Variants in SLC12A8 observed in about 807,000 individuals in gnomAD.
SLC12A8 encodes the protein cation-chloride cotransporter 9.
Under a neutral mutation model 75.6 loss-of-function variants are expected in SLC12A8, and 69 were observed. The ratio of observed to expected loss-of-function variants is 0.91; its 90% CI spans 0.75 to 1.11. SLC12A8 has a LOEUF of 1.11. Among genes scored for constraint, SLC12A8 ranks in the 50% most tolerant of loss-of-function variants. The pLI, the probability that SLC12A8 is intolerant of heterozygous loss-of-function variation, is 0.00. For synonymous variants in SLC12A8, 365 were observed against 372.8 expected, an observed-to-expected ratio of 0.98 and a Z score of 0.24; for missense variants, 877 against 896.7, an observed-to-expected ratio of 0.98 and a Z score of 0.28.
At chr3:125,101,831 T>C (rs1938884957) in intron 10 of SLC12A8, among the ~76,000 whole-genome samples, 1 of 152,246 alleles carries the variant, frequency 6.6e-6, no homozygotes, top group Non-Finnish European at 1.5e-5. Flanking sequence ...ATTTGATCAA[T>C]GCTTCAATGT....
At chr3:125,147,011 C>A (rs141601137) in intron 5 of SLC12A8, among the ~76,000 whole-genome samples, 2 of 152,112 alleles carry the variant, frequency 1.3e-5, no homozygotes, top group Admixed American at 6.5e-5. Flanking sequence ...GGGAGTTTGC[C>A]GACGTCTGGA....
At chr3:125,142,138 G>A (rs926991988) in intron 5 of SLC12A8, among the ~76,000 whole-genome samples, 1 of 152,208 alleles carries the variant, frequency 6.6e-6, no homozygotes, top group African/African-American at 2.4e-5. Context: ...ACGGGGATCT[G>A]CAGCCAATCC....
intron 2 of SLC12A8, among the ~76,000 whole-genome samples, chr3:125,198,273 A>T (rs749165694): frequency 6.6e-6 from 1 of 151,454 alleles, no homozygotes; most frequent in Non-Finnish European, 1.5e-5. Context: ...AAAAAAACAA[A>T]ACAGTCAAGG....
chr3:125,087,455 A>G (rs1938489503), intron 13 of SLC12A8, among the ~76,000 whole-genome samples: 1 of 152,228 alleles, frequency 6.6e-6, no homozygotes, highest in Non-Finnish European at 1.5e-5. Flanking sequence ...TCTGGGATCA[A>G]TGGGAAAGGA....
At chr3:125,174,359 G>A (rs1934475706) in intron 5 of SLC12A8, among the ~76,000 whole-genome samples, 1 of 152,174 alleles carries the variant, frequency 6.6e-6, no homozygotes, top group Non-Finnish European at 1.5e-5. Context: ...AGGATGTGGA[G>A]CAACAGGAAC....
intron 5 of SLC12A8, among the ~76,000 whole-genome samples, chr3:125,136,386 A>G (rs1933496701): frequency 6.6e-6 from 1 of 152,056 alleles, no homozygotes; most frequent in Non-Finnish European, 1.5e-5. Context: ...TAGTGGGCCA[A>G]CTCTTCAAGC....
intron 5 of SLC12A8, among the ~76,000 whole-genome samples, chr3:125,149,767 A>G (rs752775770): frequency 3.3e-5 from 5 of 152,054 alleles, no homozygotes; most frequent in African/African-American, 1.2e-4. Flanking sequence ...AAAAAGAGAG[A>G]CAAAAGGATT....
Position 125,118,817 on chromosome 3 carries a change from G to A in SLC12A8, c.864C>T (p.Ala288=). Residue 288 remains alanine, a synonymous_variant, in exon 8 of 14, where the codon GCC becomes GCT. Coordinates refer to ENST00000469902, the MANE Select transcript of SLC12A8 (RefSeq NM_024628.6). The part of the protein sequence containing the change: ...LYIIFVFLLG[A]ICTREALRYD... ...AGCGAAGGGCCTCTCGAGTGCAGAT[G>A]GCGCCCAGGAGGAAGACGAAGATGA... The A allele has an allele frequency of 5.6e-6, 9 of 1,613,842 alleles. No homozygotes were observed. The highest frequency in any genetic ancestry group is 7.6e-6 in the Non-Finnish European group (9 of 1,179,884).
At chr3:125,116,494 TC>T (rs1939315290) in intron 8 of SLC12A8, among the ~76,000 whole-genome samples, 1 of 152,102 alleles carries the variant, frequency 6.6e-6, no homozygotes, top group Non-Finnish European at 1.5e-5. Flanking sequence ...CACAGGAGGC[TC>T]CCCCGGTTTG....
Position 125,211,662 on chromosome 3 carries a change from A to C in SLC12A8, c.-45-268T>G, listed in dbSNP as rs182854701. ...GCTCTCTCCTTCCCTGAGCTCCTTAAATACGTGAGGGTCAGAGCCAGCTGC... is the reference window on the plus strand; with the variant it reads ...GCTCTCTCCTTCCCTGAGCTCCTTACATACGTGAGGGTCAGAGCCAGCTGC... On this transcript the variant is annotated intron_variant, in intron 1 of 13. Coordinates refer to ENST00000469902, the MANE Select transcript of SLC12A8 (RefSeq NM_024628.6). Among the ~76,000 whole-genome samples the C allele has an allele frequency of 3.9e-5, 6 of 152,158 alleles. 1 individual carries two copies. Among genetic ancestry groups the C allele is most frequent in the Admixed American group, 3.9e-4 (6 of 15,290 alleles).
At chr3:125,103,949 G>T (rs1938955083) in intron 10 of SLC12A8, among the ~76,000 whole-genome samples, 1 of 143,410 alleles carries the variant, frequency 7.0e-6, no homozygotes, top group Non-Finnish European at 1.5e-5. Flanking sequence ...TCACTTTTAA[G>T]TACAAAAAGA....
intron 2 of SLC12A8, among the ~76,000 whole-genome samples, chr3:125,193,094 C>T (rs1227450853): frequency 6.6e-6 from 1 of 152,202 alleles, no homozygotes; most frequent in South Asian, 2.1e-4. Context: ...TGGGGCTGGG[C>T]GCAGTGGCTC....
rs1050907753 is a variant in SLC12A8 at position 125,190,110 on chromosome 3, C to T, written c.198+265G>A. 7.2e-5 allele frequency among the ~76,000 whole-genome samples: 11 copies of T among 152,316 alleles called. No homozygotes were observed. The South Asian group carries it at 1.7e-3, about 23-fold the overall frequency. On this transcript the variant is annotated intron_variant, in intron 3 of 13. Transcript: ENST00000469902. ...TGATCTCTCTGACCCATCTCAAGTC[C>T]GGCTCATGATGAGCCCTGACTTCTG...
chr3:125,156,619 C>T (rs920718772), intron 5 of SLC12A8, among the ~76,000 whole-genome samples: 6 of 152,062 alleles, frequency 3.9e-5, no homozygotes, highest in African/African-American at 1.4e-4. Context: ...ATGAGAAGGG[C>T]GGGAATGGAA....
intron 2 of SLC12A8, among the ~76,000 whole-genome samples, chr3:125,210,892 A>G (rs1211561531): frequency 2.0e-5 from 3 of 152,206 alleles, no homozygotes; most frequent in Non-Finnish European, 4.4e-5. Context: ...AAAATAGCAA[A>G]CACCAGGGCA....
intron 10 of SLC12A8, among the ~76,000 whole-genome samples, chr3:125,101,279 A>G (rs1420722441): frequency 6.6e-6 from 1 of 152,248 alleles, no homozygotes; most frequent in Non-Finnish European, 1.5e-5. Flanking sequence ...TCAGCGAAAT[A>G]GCTCATATTA....
chr3:125,167,492 G>A (rs1934314925), intron 5 of SLC12A8, among the ~76,000 whole-genome samples: 1 of 152,204 alleles, frequency 6.6e-6, no homozygotes, highest in African/African-American at 2.4e-5. Flanking sequence ...CCTCATTAAA[G>A]TCCCTGGGGT....
rs767036677 is a variant in SLC12A8 at position 125,083,069 on chromosome 3, T to G, written c.*821A>C. The G allele has an allele frequency of 6.6e-6, 1 of 152,202 alleles. No homozygotes were observed. Among genetic ancestry groups the G allele is most frequent in the Non-Finnish European group, 1.5e-5 (1 of 68,032 alleles). The allele number at this position is 152,202 out of a possible 1,614,324, so 9.4% of individuals were successfully genotyped here. On this transcript the variant is annotated 3_prime_UTR_variant, in exon 14 of 14. Coordinates refer to ENST00000469902, the MANE Select transcript of SLC12A8 (RefSeq NM_024628.6). Reference sequence around the variant, plus strand: ...GAAATGCTGGATGTACGGATGAGAATAGTGGTTACCTCTAGGCCAGGGTAG... The same window carrying G: ...GAAATGCTGGATGTACGGATGAGAAGAGTGGTTACCTCTAGGCCAGGGTAG...
intron 5 of SLC12A8, among the ~76,000 whole-genome samples, chr3:125,152,941 T>C (rs1933963246): frequency 6.6e-6 from 1 of 151,992 alleles, no homozygotes; most frequent in Non-Finnish European, 1.5e-5. Context: ...TGACTACCTA[T>C]AGGGTGGGAG....
Sources: gnomAD v4.1 joint callset for allele counts (sites outside exome capture counted in the v4.1 genomes callset) on GRCh38, gnomAD v4.1.1 for gene constraint, MANE v1.5 for transcripts, NCBI Gene and HGNC (gene_info 2026-07-23, HGNC 2026-07-21) for gene names.